The following ADGRG4 variants were observed in gnomAD, a reference collection of about 807,000 sequenced individuals.
The protein encoded by ADGRG4 is adhesion G protein-coupled receptor G4, also known as G protein-coupled receptor 112.
ADGRG4 carries 122 observed loss-of-function variants against 126.2 expected under a neutral mutation model. That is an observed-to-expected ratio of 0.97 (90% CI 0.83 to 1.12). The LOEUF (loss-of-function observed/expected upper bound fraction) is 1.12. ADGRG4 is among the 50% of genes most tolerant of loss of function. The probability of loss-of-function intolerance (pLI) is 0.00; values close to 1 mark genes in which losing one functional copy is unlikely to be tolerated. For synonymous variants in ADGRG4, 943 were observed against 838.7 expected (o/e 1.12, Z -2.15); for missense variants, 2,481 against 2,251.8 (o/e 1.10, Z -2.06).
Position 136,349,825 on chromosome X carries a change from C to A in ADGRG4, c.6119C>A (p.Ser2040Ter). ...TCCTCTACAGTAGAGGTGTCAAAAT[C>A]AACATTTCTGACATCTGACATGATA... The part of the protein sequence containing the change: ...MTSSTVEVSK[S>*]TFLTSDMISA... Residue 2040 changes from serine to a stop codon, truncating the protein, a stop_gained, in exon 6 of 26, where the codon TCA becomes TAA. Coordinates refer to ENST00000394143, the MANE Select transcript of ADGRG4 (RefSeq NM_153834.4). LOFTEE classifies it high-confidence loss of function. The A allele has an allele frequency of 2.5e-6, 3 of 1,210,437 alleles. No homozygotes were observed. The highest frequency in any genetic ancestry group is 3.4e-6 in the Non-Finnish European group (3 of 894,815).
At chrX:136,407,555 G>T (rs1363010114) in intron 23 of ADGRG4, among the ~76,000 whole-genome samples, 1 of 111,823 alleles carries the variant, frequency 8.9e-6, no homozygotes, top group Non-Finnish European at 1.9e-5. Context: ...TAGGACTCAA[G>T]AAACTATCTT....
Position 136,392,264 on chromosome X carries a change from T to C in ADGRG4, c.7944T>C (p.Tyr2648=). The change falls in exon 17 of 26, where the codon TAT becomes TAC. Residue 2648 remains tyrosine, a synonymous_variant. Transcript: ENST00000394143. ...TKNVTKALTT[Y]VVSASISDDM... ...ATGTCACTAAAGCATTAACCACCTA[T>C]GTTGTGAGTGCCAGCATTTCAGATG... 8.7e-7 allele frequency: 1 copy of C among 1,155,254 alleles called. No homozygotes were observed. The highest frequency in any genetic ancestry group is 1.2e-6 in the Non-Finnish European group (1 of 868,213).
intron 15 of ADGRG4, among the ~76,000 whole-genome samples, chrX:136,382,294 G>T (rs1334626010): frequency 1.8e-5 from 2 of 111,648 alleles, no homozygotes; most frequent in Non-Finnish European, 3.8e-5. Context: ...ATGCTGATAT[G>T]AAGTCAGTAA....
intron 5 of ADGRG4, among the ~76,000 whole-genome samples, chrX:136,329,000 G>A (rs1167570651): frequency 9.0e-6 from 1 of 110,643 alleles, no homozygotes; most frequent in Non-Finnish European, 1.9e-5. Flanking sequence ...TGCAGCATTC[G>A]TTTTTCATGC....
At chrX:136,362,396 G>A (rs754725345) in intron 12 of ADGRG4, among the ~76,000 whole-genome samples, 7 of 110,934 alleles carry the variant, frequency 6.3e-5, no homozygotes, top group African/African-American at 1.3e-4. Context: ...CTATTAGAGC[G>A]GTCTCCTTGC....
intron 5 of ADGRG4, among the ~76,000 whole-genome samples, chrX:136,325,353 G>A (rs1438759615): frequency 8.9e-6 from 1 of 111,913 alleles, no homozygotes; most frequent in Non-Finnish European, 1.9e-5. Flanking sequence ...TTAGACCAAT[G>A]CAAAGGAGCA....
chrX:136,403,461 G>A (rs1024286340), intron 22 of ADGRG4, 139 bp downstream of exon 22: 4 of 434,087 alleles, frequency 9.2e-6, no homozygotes, highest in African/African-American at 2.5e-5. Context: ...CTAAACATAG[G>A]CCACATTTAT....
At chrX:136,329,067 C>T (rs1321634497) in intron 5 of ADGRG4, among the ~76,000 whole-genome samples, 2 of 111,194 alleles carry the variant, frequency 1.8e-5, no homozygotes, top group African/African-American at 6.5e-5. Context: ...TTCCTTTTCA[C>T]CTTAAAGATA....
At chrX:136,409,213 A>G (rs760683824) in intron 23 of ADGRG4, among the ~76,000 whole-genome samples, 2 of 112,077 alleles carry the variant, frequency 1.8e-5, no homozygotes, top group Non-Finnish European at 3.8e-5. Context: ...GTGGGAAAAA[A>G]TTATGCTCAT....
intron 25 of ADGRG4, 71 bp downstream of exon 25, chrX:136,414,398 G>T (rs745707008): frequency 1.1e-6 from 1 of 881,115 alleles, no homozygotes; most frequent in African/African-American, 2.0e-5. Flanking sequence ...ACCACATACT[G>T]GGTCTTGGAT....
At chrX:136,402,545 C>T (rs1304833409) in intron 21 of ADGRG4, among the ~76,000 whole-genome samples, 1 of 111,793 alleles carries the variant, frequency 8.9e-6, no homozygotes, top group African/African-American at 3.3e-5. Context: ...TTTAACAAAA[C>T]CCCTAAAATG....
At chrX:136,334,088 CTT>C (rs2074932761) in intron 5 of ADGRG4, among the ~76,000 whole-genome samples, 1 of 24,581 alleles carries the variant, frequency 4.1e-5, no homozygotes, top group Non-Finnish European at 7.7e-5. Context: ...TTCTTTCTTT[CTT>C]TCTTTCTTTC....
rs1184343263 is a variant in ADGRG4 at position 136,377,167 on chromosome X, C to CTTTTTTTTTTTTTTTTTTTT, written c.7776+4108_7776+4127dup. 9.0e-3 allele frequency among the ~76,000 whole-genome samples: 438 copies of CTTTTTTTTTTTTTTTTTTTT among 48,650 alleles called. 2 individuals are homozygous for CTTTTTTTTTTTTTTTTTTTT. The highest frequency in any genetic ancestry group is 0.014 in the Admixed American group (49 of 3,536). The allele number at this position is 48,650 out of a possible 115,157, so 42.2% of individuals were successfully genotyped here. A position where few individuals can be genotyped will look rare whatever the true frequency, so the allele number is the denominator to read the frequency against. On this transcript the variant is annotated intron_variant, in intron 15 of 25. Transcript: ENST00000394143. The stretch of plus-strand genomic sequence containing the variant: ...GTTTTTCACTTTCTTGTTTTCTTTC[C>CTTTTTTTTTTTTTTTTTTTT]TTTTTTTTTTTTTTTTTTTTTTTTG...
intron 15 of ADGRG4, among the ~76,000 whole-genome samples, chrX:136,387,101 C>A (rs1311663297): frequency 9.0e-6 from 1 of 111,702 alleles, no homozygotes; most frequent in East Asian, 2.8e-4. Context: ...ATCCATTCAA[C>A]AGGGTGGAGC....
chrX:136,303,421 C>G (rs1232081963), intron 1 of ADGRG4, among the ~76,000 whole-genome samples: 1 of 111,207 alleles, frequency 9.0e-6, no homozygotes, highest in Non-Finnish European at 1.9e-5. Context: ...CCAATGTATT[C>G]CAGAATGGGC....
chrX:136,355,534 AAT>A (rs1446804639), intron 8 of ADGRG4, among the ~76,000 whole-genome samples: 3 of 110,069 alleles, frequency 2.7e-5, no homozygotes, highest in African/African-American at 6.6e-5. Context: ...GCTTTACAGA[AAT>A]ATATATATAT....
At chrX:136,340,976 C>T (rs1294090233) in intron 5 of ADGRG4, among the ~76,000 whole-genome samples, 1 of 112,183 alleles carries the variant, frequency 8.9e-6, no homozygotes, top group Non-Finnish European at 1.9e-5. Flanking sequence ...CTGAAATATA[C>T]AAACCCAGGC....
At chrX:136,373,519 C>T (rs1450272538) in intron 15 of ADGRG4, among the ~76,000 whole-genome samples, 1 of 111,911 alleles carries the variant, frequency 8.9e-6, no homozygotes, top group Non-Finnish European at 1.9e-5. Context: ...ATGTTATAGG[C>T]TGCCAACCCT....
At chrX:136,378,626 TG>T (rs944875157) in intron 15 of ADGRG4, among the ~76,000 whole-genome samples, 11 of 111,818 alleles carry the variant, frequency 9.8e-5, no homozygotes, top group Non-Finnish European at 1.9e-4. Flanking sequence ...ATTTTTGTTT[TG>T]TTTTTTTAAA....
Sources: allele counts gnomAD v4.1 joint callset (sites outside exome capture counted in the v4.1 genomes callset), GRCh38; gene constraint gnomAD v4.1.1; transcripts MANE v1.5; gene names NCBI Gene and HGNC (gene_info 2026-07-23, HGNC 2026-07-21).